The following DCX variants were observed in gnomAD, a reference collection of about 807,000 sequenced individuals.
DCX encodes doublecortin.
In DCX, 4 loss-of-function variants were observed where a neutral mutation model predicts 20.9. The ratio of observed to expected loss-of-function variants is 0.19; its 90% CI spans 0.09 to 0.44. The LOEUF is 0.44. DCX is among the 20% of genes least tolerant of loss of function. The pLI, the probability that DCX is intolerant of heterozygous loss-of-function variation, is 0.99. For missense variants in DCX, 133 were observed against 296.9 expected, an observed-to-expected ratio of 0.45 and a Z score of 4.06; for synonymous variants, 103 against 111.4, an observed-to-expected ratio of 0.92 and a Z score of 0.47.
chrX:111,344,312 C>A (rs760656174), intron 3 of DCX, among the ~76,000 whole-genome samples: 1 of 111,992 alleles, frequency 8.9e-6, no homozygotes, highest in Non-Finnish European at 1.9e-5. Flanking sequence ...AGAAGCATTT[C>A]TTTTGAAAAC....
rs112567802 is a variant in DCX, at chrX:111,400,033, T to C, written c.705+957A>G. ...ATCAGTAACTTTGATATATAGTGAA[T>C]CCGCCTTTTAGGAATACCTTTTCTA... On this transcript the variant is annotated intron_variant, in intron 3 of 6. Coordinates refer to ENST00000636035, the MANE Select transcript of DCX (RefSeq NM_001195553.2). 6.6e-3 allele frequency among the ~76,000 whole-genome samples: 735 copies of C among 111,931 alleles called. 12 individuals are homozygous for C. The highest frequency in any genetic ancestry group is 0.022 in the African/African-American group (692 of 30,768).
intron 6 of DCX, among the ~76,000 whole-genome samples, chrX:111,307,560 A>C: frequency 9.0e-6 from 1 of 111,598 alleles, no homozygotes; most frequent in Non-Finnish European, 1.9e-5. Context: ...TTCCCTTTTC[A>C]GGGTCCTTGC....
At chrX:111,315,229 C>A in intron 5 of DCX, among the ~76,000 whole-genome samples, 1 of 102,404 alleles carries the variant, frequency 9.8e-6, no homozygotes, top group Non-Finnish European at 2.0e-5. Context: ...AACAAATTTA[C>A]AAGAAAAAAA....
rs777171720 is a variant in DCX at position 111,363,977 on chromosome X, A to C, written c.706-30824T>G. Among the ~76,000 whole-genome samples the C allele has an allele frequency of 3.6e-5, 4 of 112,170 alleles. No homozygotes were observed. In the East Asian group the frequency reaches 1.1e-3, roughly 32 times the overall value. On this transcript the variant is annotated intron_variant, in intron 3 of 6. Coordinates refer to ENST00000636035, the MANE Select transcript of DCX (RefSeq NM_001195553.2). ...ACATATCAGGTTTGTATTTGACTGG[A>C]GTGAATCTGACTGGCAGTACCTGCT...
Position 111,312,646 on chromosome X carries a change from T to C in DCX, c.1037A>G (p.His346Arg). ...AAGGTATAAGAGACATAATACCTTG[T>C]GCTTCCGGAGGCTGCCAGGACTGGT... Reference protein sequence around the residue: ...TPTSPGSLRKHKVDLYLPLSL... With the variant: ...TPTSPGSLRKRKVDLYLPLSL... Residue 346 changes from histidine to arginine, a missense_variant, in exon 6 of 7, where the codon CAC (histidine) becomes CGC (arginine). Physicochemically the swap from His to Arg is conservative, Grantham distance 29. Around this residue, in one of 2 missense-constraint regions of DCX, gnomAD observed 68 missense variants for 84.3 expected, o/e 0.81. Transcript: ENST00000636035. 1 of 1,211,343 alleles carries C rather than the reference T, an allele frequency of 8.3e-7. No homozygotes were observed. Among genetic ancestry groups the C allele is most frequent in the Middle Eastern group, 2.3e-4 (1 of 4,341 alleles).
chrX:111,404,315 G>C (rs1275292933), intron 2 of DCX, among the ~76,000 whole-genome samples: 1 of 111,951 alleles, frequency 8.9e-6, no homozygotes, highest in East Asian at 2.8e-4. Flanking sequence ...CTGTGATTAT[G>C]ATATGACATG....
chrX:111,361,630 C>T (rs1924218237), intron 3 of DCX, among the ~76,000 whole-genome samples: 1 of 112,226 alleles, frequency 8.9e-6, no homozygotes, highest in Admixed American at 9.4e-5. Flanking sequence ...CCCAAATACC[C>T]AACAAACAAC....
chrX:111,351,671 T>C (rs761284909), intron 3 of DCX, among the ~76,000 whole-genome samples: 3 of 112,190 alleles, frequency 2.7e-5, no homozygotes, highest in Non-Finnish European at 5.6e-5. Context: ...CAGATGCCTA[T>C]AGCTGCTACC....
At chrX:111,410,608 C>T in intron 1 of DCX, 188 bp from the exon 2 acceptor site, 4 of 835,038 alleles carry the variant, frequency 4.8e-6, no homozygotes, top group Non-Finnish European at 7.1e-6. Flanking sequence ...GAATATTGAT[C>T]TTAATAGAGA....
chrX:111,320,766 A>G (rs751771867), intron 5 of DCX, among the ~76,000 whole-genome samples: 2 of 109,717 alleles, frequency 1.8e-5, no homozygotes, highest in South Asian at 8.1e-4. Flanking sequence ...ATAGGATAAA[A>G]ATTACTCTTT....
intron 3 of DCX, among the ~76,000 whole-genome samples, chrX:111,383,712 G>C (rs747200798): frequency 6.3e-5 from 7 of 111,516 alleles, no homozygotes; most frequent in Non-Finnish European, 1.3e-4. Context: ...GAGAGGGTTG[G>C]ACTAAAACAA....
At chrX:111,344,110 A>G (rs1922562711) in intron 3 of DCX, among the ~76,000 whole-genome samples, 1 of 112,445 alleles carries the variant, frequency 8.9e-6, no homozygotes, top group Admixed American at 9.4e-5. Context: ...AACATAATCT[A>G]TCACATAAAC....
At chrX:111,327,659 AG>A (rs767738187) in intron 5 of DCX, among the ~76,000 whole-genome samples, 98 of 112,315 alleles carry the variant, frequency 8.7e-4, no homozygotes, top group Non-Finnish European at 1.7e-3. Context: ...AAAGCTAGGA[AG>A]TGGCGTAGCT....
chrX:111,338,533 A>T (rs1160709233), intron 3 of DCX, among the ~76,000 whole-genome samples: 1 of 110,754 alleles, frequency 9.0e-6, no homozygotes, highest in African/African-American at 3.3e-5. Context: ...AGAGGTTGAC[A>T]CAGAGTTGGC....
chrX:111,393,401 T>C (rs1927095057), intron 3 of DCX, among the ~76,000 whole-genome samples: 1 of 111,780 alleles, frequency 8.9e-6, no homozygotes, highest in Non-Finnish European at 1.9e-5. Context: ...GGAGAAAATT[T>C]TTGAGATGTT....
chrX:111,386,621 A>T (rs1279280000), intron 3 of DCX, among the ~76,000 whole-genome samples: 1 of 111,046 alleles, frequency 9.0e-6, no homozygotes, highest in Non-Finnish European at 1.9e-5. Context: ...GTTGCTAAGG[A>T]AGATTACAGT....
chrX:111,345,153 A>G (rs1005798149), intron 3 of DCX, among the ~76,000 whole-genome samples: 1 of 112,026 alleles, frequency 8.9e-6, no homozygotes. Context: ...AGCATCTCCT[A>G]TTCAATAAAT....
rs181392515 is a variant in DCX, at chrX:111,349,132, G to A, written c.706-15979C>T. On this transcript the variant is annotated intron_variant, in intron 3 of 6. Transcript: ENST00000636035. Reference sequence around the variant, plus strand: ...CTAGTTTTCTATATAGTTTAGGGGGGTTAAGGATTCCTTTGAAGCTTGTCT... The same window carrying A: ...CTAGTTTTCTATATAGTTTAGGGGGATTAAGGATTCCTTTGAAGCTTGTCT... Among the ~76,000 whole-genome samples the A allele has an allele frequency of 4.4e-3, 488 of 111,643 alleles. 1 individual carries two copies. Among genetic ancestry groups the A allele is most frequent in the Non-Finnish European group, 6.9e-3 (368 of 53,084 alleles).
chrX:111,378,617 T>C (rs1925724896), intron 3 of DCX, among the ~76,000 whole-genome samples: 2 of 111,317 alleles, frequency 1.8e-5, no homozygotes, highest in South Asian at 7.6e-4. Context: ...AATTTCTGTA[T>C]ATGGGCATGG....
Sources: allele counts gnomAD v4.1 joint callset (sites outside exome capture counted in the v4.1 genomes callset), GRCh38; gene constraint gnomAD v4.1.1; regional missense constraint gnomAD v4.1.1; transcripts MANE v1.5; gene names NCBI Gene and HGNC (gene_info 2026-07-23, HGNC 2026-07-21).